L3MBTL4: variants seen among roughly 807,000 people sequenced by gnomAD.
The protein encoded by L3MBTL4 is lethal(3)malignant brain tumor-like protein 4.
L3MBTL4 carries 70 observed loss-of-function variants against 84.5 expected under a neutral mutation model. The observed-to-expected ratio is 0.83, with a 90% CI of 0.68 to 1.01. The LOEUF is 1.01. Ranked by LOEUF, L3MBTL4 falls within the 50% of genes least tolerant of loss-of-function variation. The pLI, the probability that L3MBTL4 is intolerant of heterozygous loss-of-function variation, is 0.00. For missense variants in L3MBTL4, 715 were observed against 754.8 expected, an observed-to-expected ratio of 0.95 and a Z score of 0.62; for synonymous variants, 274 against 259.8, an observed-to-expected ratio of 1.05 and a Z score of -0.52.
At chr18:6,357,668 C>T (rs2053506169) in intron 1 of L3MBTL4, among the ~76,000 whole-genome samples, 1 of 151,946 alleles carries the variant, frequency 6.6e-6, no homozygotes, top group Non-Finnish European at 1.5e-5. Flanking sequence ...TTGTCACCAT[C>T]AAGACTTTTG....
At chr18:6,174,955 T>C (rs1027811335) in intron 12 of L3MBTL4, among the ~76,000 whole-genome samples, 2 of 151,568 alleles carry the variant, frequency 1.3e-5, no homozygotes, top group Admixed American at 1.3e-4. Flanking sequence ...ATTTGGATTC[T>C]AGAAGGAGAG....
intron 15 of L3MBTL4, 95 bp from the exon 16 acceptor site, chr18:6,081,046 T>A: frequency 1.2e-6 from 1 of 838,188 alleles, no homozygotes; most frequent in East Asian, 2.8e-5. Context: ...AACTGCAGGG[T>A]AAACAATAGT....
intron 5 of L3MBTL4, among the ~76,000 whole-genome samples, chr18:6,247,510 G>A (rs535774865): frequency 1.2e-3 from 139 of 112,614 alleles, no homozygotes; most frequent in African/African-American, 4.9e-3. Flanking sequence ...ATGGAGTCTC[G>A]CTGTGTCACC....
At chr18:6,355,507 C>A (rs1461350674) in intron 1 of L3MBTL4, among the ~76,000 whole-genome samples, 1 of 151,762 alleles carries the variant, frequency 6.6e-6, no homozygotes, top group African/African-American at 2.4e-5. Context: ...ATTTTGTCTA[C>A]AAAGCACTTC....
intron 1 of L3MBTL4, among the ~76,000 whole-genome samples, chr18:6,315,844 T>C (rs923383885): frequency 6.6e-6 from 1 of 152,222 alleles, no homozygotes; most frequent in Non-Finnish European, 1.5e-5. Context: ...TCTCATTTTT[T>C]AAAAAATTTT....
intron 10 of L3MBTL4, among the ~76,000 whole-genome samples, chr18:6,217,749 A>T (rs1196095759): frequency 6.6e-6 from 1 of 152,216 alleles, no homozygotes; most frequent in African/African-American, 2.4e-5. Context: ...TATTCTTGAT[A>T]TAGAGAAAAT....
intron 13 of L3MBTL4, among the ~76,000 whole-genome samples, chr18:6,158,495 C>A (rs1025290996): frequency 1.3e-5 from 2 of 152,058 alleles, no homozygotes; most frequent in African/African-American, 4.8e-5. Flanking sequence ...AAGGAATAAG[C>A]GTAGTGAATG....
chr18:6,006,561 A>C (rs2054496951), intron 16 of L3MBTL4, among the ~76,000 whole-genome samples: 2 of 152,346 alleles, frequency 1.3e-5, no homozygotes, highest in South Asian at 4.1e-4. Context: ...TTAGTAACGT[A>C]CATAAGCATG....
chr18:6,278,932 C>A (rs1317446158), intron 4 of L3MBTL4, among the ~76,000 whole-genome samples: 3 of 151,218 alleles, frequency 2.0e-5, no homozygotes, highest in African/African-American at 7.3e-5. Flanking sequence ...AACTTAAGAT[C>A]ATATGGAACA....
chr18:6,338,660 A>G (rs1336257674), intron 1 of L3MBTL4, among the ~76,000 whole-genome samples: 4 of 151,998 alleles, frequency 2.6e-5, no homozygotes, highest in Non-Finnish European at 5.9e-5. Context: ...ATTTTATTAA[A>G]TGTAAAGGAG....
Position 6,077,682 on chromosome 18 carries a change from A to T in L3MBTL4, c.1444+3199T>A, listed in dbSNP as rs576662464. On this transcript the variant is annotated intron_variant, in intron 16 of 18. Coordinates refer to ENST00000317931, the MANE Select transcript of L3MBTL4 (RefSeq NM_001330559.2). The stretch of plus-strand genomic sequence containing the variant: ...AATCCAGTGTATATAACCTCCCCTC[A>T]TAGAAGAAATAGAGCACAAATTTTA... Among the ~76,000 whole-genome samples, 4 of 151,880 alleles carry T rather than the reference A, an allele frequency of 2.6e-5. No individual in the cohort carries two copies. In the East Asian group the frequency reaches 7.8e-4, roughly 29 times the overall value.
intron 16 of L3MBTL4, among the ~76,000 whole-genome samples, chr18:6,074,518 C>T (rs545640292): frequency 1.3e-5 from 2 of 152,192 alleles, no homozygotes; most frequent in Admixed American, 1.3e-4. Context: ...TTATTGGTCA[C>T]TGATGATGAT....
chr18:6,040,876 A>C (rs2056371112), intron 16 of L3MBTL4, among the ~76,000 whole-genome samples: 1 of 152,200 alleles, frequency 6.6e-6, no homozygotes, highest in African/African-American at 2.4e-5. Context: ...GGAGGAGATT[A>C]AGTCAACATA....
At chr18:6,046,595 C>T (rs1396144913) in intron 16 of L3MBTL4, 2 of 555,154 alleles carry the variant, frequency 3.6e-6, no homozygotes, top group African/African-American at 1.9e-5. Context: ...AAATCAATAC[C>T]AAGATCTCCC....
At chr18:6,094,660 C>T (rs1197810041) in intron 14 of L3MBTL4, among the ~76,000 whole-genome samples, 1 of 152,070 alleles carries the variant, frequency 6.6e-6, no homozygotes, top group Non-Finnish European at 1.5e-5. Flanking sequence ...TGAAAGCTTT[C>T]TTTTATTTTA....
chr18:6,072,160 A>T (rs577951646), intron 16 of L3MBTL4, among the ~76,000 whole-genome samples: 1 of 152,286 alleles, frequency 6.6e-6, no homozygotes, highest in Non-Finnish European at 1.5e-5. Flanking sequence ...ATAGCCTAAA[A>T]ATGTGTATAA....
intron 16 of L3MBTL4, among the ~76,000 whole-genome samples, chr18:5,979,687 T>C (rs1305427546): frequency 1.3e-5 from 2 of 152,106 alleles, no homozygotes; most frequent in African/African-American, 2.4e-5. Flanking sequence ...TGTACATTCC[T>C]GTTTAGAAGG....
chr18:6,317,978 C>G lies in L3MBTL4; in HGVS notation c.-90-5922G>C, dbSNP rs377139342. On this transcript the variant is annotated intron_variant, in intron 1 of 18. Transcript: ENST00000317931. Reference sequence around the variant, plus strand: ...CCTCTTTAAACAGAATAACTGAGAGCCAAGAATTCTGTATCCAGCAAAACT... The same window carrying G: ...CCTCTTTAAACAGAATAACTGAGAGGCAAGAATTCTGTATCCAGCAAAACT... 1.2e-4 allele frequency among the ~76,000 whole-genome samples: 18 copies of G among 151,978 alleles called. No homozygotes were observed. In the East Asian group the frequency reaches 3.3e-3, roughly 28 times the overall value.
At chr18:6,250,815 T>A (rs1444062543) in intron 5 of L3MBTL4, among the ~76,000 whole-genome samples, 4 of 152,228 alleles carry the variant, frequency 2.6e-5, no homozygotes, top group South Asian at 2.1e-4. Flanking sequence ...ACAAAATTTC[T>A]TACTACACAA....
Sources: gnomAD v4.1 joint callset for allele counts (sites outside exome capture counted in the v4.1 genomes callset) on GRCh38, gnomAD v4.1.1 for gene constraint, MANE v1.5 for transcripts, NCBI Gene and HGNC (gene_info 2026-07-23, HGNC 2026-07-21) for gene names.